The following XXYLT1 variants were observed in gnomAD, a reference collection of about 807,000 sequenced individuals.
The protein encoded by XXYLT1 is UDP-xylose:alpha-xyloside alpha-1,3-xylosyltransferase.
Under a neutral mutation model 28.9 loss-of-function variants are expected in XXYLT1, and 20 were observed. The ratio of observed to expected loss-of-function variants is 0.69; its 90% CI spans 0.49 to 1.00. The LOEUF (loss-of-function observed/expected upper bound fraction) is 1.00, where lower values mean the gene tolerates loss of function less well. XXYLT1 is among the 50% of genes least tolerant of loss of function. The pLI, the probability that XXYLT1 is intolerant of heterozygous loss-of-function variation, is 0.00. For synonymous variants in XXYLT1, 257 were observed against 253.8 expected (o/e 1.01, Z -0.12); for missense variants, 542 against 560.1 (o/e 0.97, Z 0.33).
intron 3 of XXYLT1, among the ~76,000 whole-genome samples, chr3:195,102,973 A>T (rs2108679269): frequency 6.6e-6 from 1 of 152,362 alleles, no homozygotes; most frequent in African/African-American, 2.4e-5. Flanking sequence ...ACCCTCGCCA[A>T]CAGTGGCTAT....
intron 3 of XXYLT1, chr3:195,087,239 C>T (rs1404583067): frequency 6.6e-6 from 1 of 152,414 alleles, no homozygotes; most frequent in East Asian, 1.9e-4. Flanking sequence ...TGGAGCTCCT[C>T]TTCCGCCCTC....
chr3:195,243,234 T>G (rs774698641), intron 1 of XXYLT1, among the ~76,000 whole-genome samples: 29 of 151,758 alleles, frequency 1.9e-4, no homozygotes, highest in South Asian at 8.3e-4. Context: ...GGGGGAAGGA[T>G]AGCATTAGGA....
At chr3:195,224,340 A>T (rs932687344) in intron 2 of XXYLT1, among the ~76,000 whole-genome samples, 9 of 152,206 alleles carry the variant, frequency 5.9e-5, no homozygotes, top group Non-Finnish European at 8.8e-5. Flanking sequence ...CATTTACTGC[A>T]TCGACTGCAA....
chr3:195,078,293 G>A lies in XXYLT1; in HGVS notation c.786-8182C>T, dbSNP rs1715236429. 6.6e-6 allele frequency among the ~76,000 whole-genome samples: 1 copy of A among 152,084 alleles called. No individual in the cohort carries two copies. Among genetic ancestry groups the A allele is most frequent in the Non-Finnish European group, 1.5e-5 (1 of 68,018 alleles). ...CTGACATTTAGGGCGTGGAAGAAGAGGAGCCAGGAAGATGCAGGGCGTTGG... is the reference window on the plus strand; with the variant it reads ...CTGACATTTAGGGCGTGGAAGAAGAAGAGCCAGGAAGATGCAGGGCGTTGG... On this transcript the variant is annotated intron_variant, in intron 3 of 3. Transcript: ENST00000310380. This position sits in a 1 kb window ranked among gnomAD's most constrained non-coding sequence, Gnocchi z 5.0.
intron 2 of XXYLT1, among the ~76,000 whole-genome samples, chr3:195,201,900 C>A (rs117161872): frequency 1.3e-5 from 2 of 152,140 alleles, no homozygotes; most frequent in Non-Finnish European, 2.9e-5. Flanking sequence ...TAGACAGGGC[C>A]GGGCGCGGTG....
chr3:195,087,432 TCC>T (rs1715793093), intron 3 of XXYLT1: 1 of 152,250 alleles, frequency 6.6e-6, no homozygotes, highest in African/African-American at 2.4e-5. Flanking sequence ...TGAGCTACCC[TCC>T]CTGTCTCTCC....
intron 2 of XXYLT1, among the ~76,000 whole-genome samples, chr3:195,167,093 G>C (rs567493040): frequency 1.3e-5 from 2 of 152,244 alleles, no homozygotes; most frequent in Non-Finnish European, 2.9e-5. Flanking sequence ...CTGCGTTCTC[G>C]CAGCGCCATG....
chr3:195,245,192 G>A (rs866835554), intron 1 of XXYLT1, among the ~76,000 whole-genome samples: 56 of 141,594 alleles, frequency 4.0e-4, no homozygotes, highest in Admixed American at 1.1e-3. Flanking sequence ...ACGGAGTCTC[G>A]CTCTGTCACC....
At chr3:195,228,289 G>A (rs1260815807) in intron 1 of XXYLT1, among the ~76,000 whole-genome samples, 1 of 142,282 alleles carries the variant, frequency 7.0e-6, no homozygotes, top group Non-Finnish European at 1.5e-5. Context: ...GCCAGACAGT[G>A]GCAAGTGGTG....
At chr3:195,187,920 C>T (rs1048519941) in intron 2 of XXYLT1, among the ~76,000 whole-genome samples, 8 of 152,180 alleles carry the variant, frequency 5.3e-5, no homozygotes, top group African/African-American at 1.9e-4. Context: ...TTACCCCCAA[C>T]CTTTTTTTTA....
rs557799078 is a variant in XXYLT1, at chr3:195,180,898, T to C, written c.653-24317A>G. On this transcript the variant is annotated intron_variant, in intron 2 of 3. Transcript: ENST00000310380. The surrounding 1 kb of genome is among the most constrained non-coding windows in gnomAD (Gnocchi z 5.8). ...TTTAGCTATACAAAAGTAAGTGGTA[T>C]GGTTCATCCCTTCTTGGCTAATGAG... Among the ~76,000 whole-genome samples the C allele has an allele frequency of 2.2e-3, 337 of 152,312 alleles. 5 individuals carry two copies. The Middle Eastern group carries it at 0.024, about 11-fold the overall frequency.
Position 195,269,078 on chromosome 3 carries a change from A to G in XXYLT1, c.504+1477T>C, listed in dbSNP as rs370771555. ...GGGAATGACAAAAGCAAAGGCAAGTAGGCTGGAAAGCACTGGCTGTGCAGC... is the reference window on the plus strand; with the variant it reads ...GGGAATGACAAAAGCAAAGGCAAGTGGGCTGGAAAGCACTGGCTGTGCAGC... On this transcript the variant is annotated intron_variant, in intron 1 of 3. Coordinates refer to ENST00000310380, the MANE Select transcript of XXYLT1 (RefSeq NM_152531.5). 5.9e-5 allele frequency among the ~76,000 whole-genome samples: 9 copies of G among 152,356 alleles called. No individual in the cohort carries two copies. In the East Asian group the frequency reaches 1.5e-3, roughly 26 times the overall value.
chr3:195,263,374 C>T (rs978237257), intron 1 of XXYLT1, among the ~76,000 whole-genome samples: 2 of 152,156 alleles, frequency 1.3e-5, no homozygotes, highest in Non-Finnish European at 2.9e-5. Flanking sequence ...GCCCCGGTGA[C>T]GTTGCTGGGA....
At chr3:195,161,910 G>A (rs903237292) in intron 2 of XXYLT1, among the ~76,000 whole-genome samples, 1 of 151,940 alleles carries the variant, frequency 6.6e-6, no homozygotes, top group Non-Finnish European at 1.5e-5. Context: ...GAGCCACCAC[G>A]CCCAGCCCTG....
At chr3:195,088,202 C>G (rs1715881972) in intron 3 of XXYLT1, among the ~76,000 whole-genome samples, 1 of 151,646 alleles carries the variant, frequency 6.6e-6, no homozygotes, top group Non-Finnish European at 1.5e-5. Context: ...GGAGGCCTGC[C>G]TGCCTCTGTA....
rs368491695 is a variant in XXYLT1, at chr3:195,113,998, AC to A, written c.785+42450del. Among the ~76,000 whole-genome samples the A allele has an allele frequency of 4.6e-5, 7 of 152,334 alleles. No individual in the cohort carries two copies. The South Asian group carries it at 1.0e-3, about 23-fold the overall frequency. ...AAAGATAAGCAGGTGAAAGCTTGGC[AC>A]AGCATCTGGGAGCCATGAGTGCCCA... On this transcript the variant is annotated intron_variant, in intron 3 of 3. Transcript: ENST00000310380.
rs138374926 is a variant in XXYLT1 at position 195,115,579 on chromosome 3, C to T, written c.785+40870G>A. Among the ~76,000 whole-genome samples the T allele has an allele frequency of 3.3e-4, 51 of 152,314 alleles. No homozygotes were observed. Among genetic ancestry groups the T allele is most frequent in the African/African-American group, 1.0e-3 (42 of 41,562 alleles). ...TAAACCCTGCCTGGCAAACCGAGCA[C>T]GCGTGAAGGCCTCAGGAGCCACAGT... On this transcript the variant is annotated intron_variant, in intron 3 of 3. Transcript: ENST00000310380. The surrounding 1 kb of genome is among the most constrained non-coding windows in gnomAD (Gnocchi z 4.2).
Position 195,184,036 on chromosome 3 carries a change from G to A in XXYLT1, c.653-27455C>T, listed in dbSNP as rs540999126. ...GCTGAATTTATAATCTACAAAGGAA[G>A]AGAAAGAGAAAAGACACACAAATGG... On this transcript the variant is annotated intron_variant, in intron 2 of 3. Coordinates refer to ENST00000310380, the MANE Select transcript of XXYLT1 (RefSeq NM_152531.5). 7.7e-4 allele frequency among the ~76,000 whole-genome samples: 117 copies of A among 152,344 alleles called. 1 individual carries two copies. The highest frequency in any genetic ancestry group is 1.4e-3 in the Non-Finnish European group (95 of 68,026).
rs1244243272 is a variant in XXYLT1 at position 195,180,632 on chromosome 3, G to A, written c.653-24051C>T. The A allele has an allele frequency of 1.3e-5, 11 of 838,836 alleles. No homozygotes were observed. The highest frequency in any genetic ancestry group is 1.3e-4 in the African/African-American group (7 of 54,422). The allele number at this position is 838,836 out of a possible 1,614,324, so 52.0% of individuals were successfully genotyped here. A position where few individuals can be genotyped will look rare whatever the true frequency, so the allele number is the denominator to read the frequency against. On this transcript the variant is annotated intron_variant, in intron 2 of 3. Transcript: ENST00000310380. This position sits in a 1 kb window ranked among gnomAD's most constrained non-coding sequence, Gnocchi z 5.8. ...CGTCTGGCTAAGAGCACCAGACGGC[G>A]GTGGCTGGAGCACCCCGTGCCACTG...
Sources: gnomAD v4.1 joint callset for allele counts (sites outside exome capture counted in the v4.1 genomes callset) on GRCh38, gnomAD v4.1.1 for gene constraint, Gnocchi (gnomAD v3.1) non-coding constraint, MANE v1.5 for transcripts, NCBI Gene and HGNC (gene_info 2026-07-23, HGNC 2026-07-21) for gene names.